Variants in CPAMD8 observed in about 807,000 individuals in gnomAD.
The protein encoded by CPAMD8 is C3 and PZP-like alpha-2-macroglobulin domain-containing protein 8.
A neutral mutation model predicts 224.7 loss-of-function variants in CPAMD8; 146 were observed. The observed-to-expected ratio is 0.65, with a 90% CI of 0.57 to 0.75. The LOEUF is 0.75. CPAMD8 is among the 30% of genes least tolerant of loss of function. The pLI is 0.00. For synonymous variants in CPAMD8, 966 were observed against 1,044.6 expected, an observed-to-expected ratio of 0.92 and a Z score of 1.45; for missense variants, 2,301 against 2,537.5, an observed-to-expected ratio of 0.91 and a Z score of 2.00.
At chr19:16,966,203 C>T (rs528614867) in intron 18 of CPAMD8, among the ~76,000 whole-genome samples, 2 of 152,164 alleles carry the variant, frequency 1.3e-5, no homozygotes, top group African/African-American at 2.4e-5. Flanking sequence ...CTACAACCAT[C>T]TGATCTTTGA....
intron 12 of CPAMD8, among the ~76,000 whole-genome samples, chr19:16,990,052 G>C (rs981827476): frequency 2.6e-5 from 4 of 152,152 alleles, no homozygotes; most frequent in Admixed American, 6.5e-5. Flanking sequence ...AGGAGTTCGA[G>C]ACCAGCCTGG....
Position 16,925,249 on chromosome 19 carries a change from G to A in CPAMD8, c.3494C>T (p.Thr1165Ile), listed in dbSNP as rs767853776. ...CTCCACCTCAGGGCTGAGCTGCTGG[G>A]TTTTCTGAAGATACTTCAAGACAAA... is the stretch of plus-strand genomic sequence containing the variant. The part of the protein sequence containing the change: ...NVFVLKYLQK[T>I]QQLSPEVERE... The change falls in exon 26 of 42, where the codon ACC (threonine) becomes ATC (isoleucine). Residue 1165 changes from threonine to isoleucine, a missense_variant. By Grantham distance (89) the Thr-to-Ile change is moderately conservative. This residue lies in a region of CPAMD8 where 1,709 missense variants were observed against 1,753.2 expected (regional missense o/e 0.97). Coordinates refer to ENST00000443236, the MANE Select transcript of CPAMD8 (RefSeq NM_015692.5). The A allele has an allele frequency of 7.4e-6, 12 of 1,614,232 alleles. No individual in the cohort carries two copies. Among genetic ancestry groups the A allele is most frequent in the South Asian group, 1.1e-5 (1 of 91,092 alleles).
intron 19 of CPAMD8, among the ~76,000 whole-genome samples, chr19:16,955,801 C>A (rs1272287223): frequency 6.6e-6 from 1 of 152,082 alleles, no homozygotes; most frequent in East Asian, 1.9e-4. Context: ...TTCAGCTTCC[C>A]AAGTAGCTAG....
intron 23 of CPAMD8, among the ~76,000 whole-genome samples, chr19:16,933,180 G>A (rs1196941650): frequency 6.6e-6 from 1 of 151,838 alleles, no homozygotes; most frequent in African/African-American, 2.4e-5. Flanking sequence ...ATCTTGCATG[G>A]TAATCCAAAA....
At chr19:16,978,261 C>T (rs1262892638) in intron 14 of CPAMD8, among the ~76,000 whole-genome samples, 2 of 152,084 alleles carry the variant, frequency 1.3e-5, no homozygotes, top group African/African-American at 4.8e-5. Flanking sequence ...AATCTTGGCT[C>T]TGGCCCCTAC....
At chr19:16,940,527 A>C (rs1042952595) in intron 22 of CPAMD8, among the ~76,000 whole-genome samples, 1 of 152,080 alleles carries the variant, frequency 6.6e-6, no homozygotes, top group Non-Finnish European at 1.5e-5. Flanking sequence ...AAGGGTCTGG[A>C]GTCTTCTCAG....
chr19:16,967,188 A>G (rs1435852098), intron 18 of CPAMD8, among the ~76,000 whole-genome samples: 1 of 152,124 alleles, frequency 6.6e-6, no homozygotes, highest in Non-Finnish European at 1.5e-5. Context: ...TGTCCTTTGC[A>G]GGGACATGGA....
chr19:17,017,776 T>A (rs923517249), intron 3 of CPAMD8, among the ~76,000 whole-genome samples: 4 of 152,186 alleles, frequency 2.6e-5, no homozygotes, highest in African/African-American at 9.7e-5. Flanking sequence ...ACGCCTGTAA[T>A]CCCAACACTT....
chr19:16,997,372 C>A, intron 10 of CPAMD8, 34 bp from the exon 11 acceptor site: 1 of 1,299,936 alleles, frequency 7.7e-7, no homozygotes, highest in Middle Eastern at 1.8e-4. Flanking sequence ...CGTGCTCACT[C>A]AGGGTTGGAG....
intron 25 of CPAMD8, among the ~76,000 whole-genome samples, chr19:16,927,414 A>C (rs553705733): frequency 8.9e-4 from 135 of 152,116 alleles, no homozygotes; most frequent in African/African-American, 3.1e-3. Flanking sequence ...ACTGTGAGTC[A>C]ATTAAACCTC....
At chr19:16,966,313 C>T (rs920439384) in intron 18 of CPAMD8, among the ~76,000 whole-genome samples, 3 of 152,172 alleles carry the variant, frequency 2.0e-5, no homozygotes, top group Non-Finnish European at 2.9e-5. Flanking sequence ...AACTGGATCC[C>T]TTCCTTACAT....
chr19:16,916,225 G>A (rs1471303800), intron 27 of CPAMD8, among the ~76,000 whole-genome samples: 1 of 151,962 alleles, frequency 6.6e-6, no homozygotes, highest in African/African-American at 2.4e-5. Context: ...TGTTGCCCAG[G>A]CAGGTCTCGA....
At chr19:16,921,772 CTT>C (rs2053183420) in intron 27 of CPAMD8, 131 bp downstream of exon 27, 2 of 633,358 alleles carry the variant, frequency 3.2e-6, no homozygotes, top group Non-Finnish European at 5.6e-6. Flanking sequence ...CCACCACAGT[CTT>C]TACTTCCCAG....
chr19:17,005,527 T>C (rs1249772132), intron 7 of CPAMD8, among the ~76,000 whole-genome samples: 14 of 152,130 alleles, frequency 9.2e-5, no homozygotes, highest in Non-Finnish European at 2.1e-4. Flanking sequence ...CCTGTGCCTC[T>C]GAGCCCCGTC....
rs184676301 is a variant in CPAMD8 at position 16,905,840 on chromosome 19, T to C, written c.4027+1112A>G. ...TGGGTGAAGTAGGAGGAGACTAAGT[T>C]TGGGGGCATTCTGAGAAAGTCAAAG... is the stretch of plus-strand genomic sequence containing the variant. On this transcript the variant is annotated intron_variant, in intron 30 of 41. Transcript: ENST00000443236. Among the ~76,000 whole-genome samples the C allele has an allele frequency of 1.4e-3, 215 of 151,990 alleles. 1 individual carries two copies. Among genetic ancestry groups the C allele is most frequent in the African/African-American group, 5.0e-3 (209 of 41,448 alleles).
Position 16,914,513 on chromosome 19 carries a change from A to G in CPAMD8, c.3787-15T>C, listed in dbSNP as rs201777359. The G allele has an allele frequency of 5.6e-6, 9 of 1,613,416 alleles. No individual in the cohort carries two copies. Among genetic ancestry groups the G allele is most frequent in the African/African-American group, 2.7e-5 (2 of 74,886 alleles). Reference sequence around the variant, plus strand: ...TGGATCCCACCCTGCAAGGGGACTCACAGGCCTCACCCTAAGCCAAAGGAG... The same window carrying G: ...TGGATCCCACCCTGCAAGGGGACTCGCAGGCCTCACCCTAAGCCAAAGGAG... On this transcript the variant is annotated splice_polypyrimidine_tract_variant and intron_variant, in intron 28 of 41. Coordinates refer to ENST00000443236, the MANE Select transcript of CPAMD8 (RefSeq NM_015692.5).
At chr19:16,939,859 A>G (rs2053825845) in intron 22 of CPAMD8, among the ~76,000 whole-genome samples, 1 of 151,622 alleles carries the variant, frequency 6.6e-6, no homozygotes, top group Admixed American at 6.6e-5. Context: ...CACTGGCTTT[A>G]CTGGGTCTTT....
intron 22 of CPAMD8, among the ~76,000 whole-genome samples, chr19:16,941,866 G>A (rs1422009809): frequency 1.3e-5 from 2 of 152,062 alleles, no homozygotes; most frequent in Admixed American, 6.6e-5. Flanking sequence ...CCAGCTATTC[G>A]GGAGGCTGAG....
At chr19:16,989,170 G>A (rs2353203) in intron 13 of CPAMD8, among the ~76,000 whole-genome samples, 80,236 of 151,974 alleles carry the variant, frequency 0.53, 22,155 homozygotes, top group African/African-American at 0.69. Flanking sequence ...TAAACATAAT[G>A]TCCTTGAATC....
Sources: allele counts gnomAD v4.1 joint callset (sites outside exome capture counted in the v4.1 genomes callset), GRCh38; gene constraint gnomAD v4.1.1; regional missense constraint gnomAD v4.1.1; transcripts MANE v1.5; gene names NCBI Gene and HGNC (gene_info 2026-07-23, HGNC 2026-07-21).